Variants in MAP3K20 observed in about 807,000 individuals in gnomAD.
The protein encoded by MAP3K20 is HCCS-4.
Under a neutral mutation model 85.7 loss-of-function variants are expected in MAP3K20, and 40 were observed. That is an observed-to-expected ratio of 0.47 (90% CI 0.36 to 0.61). The LOEUF (loss-of-function observed/expected upper bound fraction) is 0.61. Among genes scored for constraint, MAP3K20 ranks in the 20% least tolerant of loss-of-function variants. The pLI, the probability that MAP3K20 is intolerant of heterozygous loss-of-function variation, is 0.00. For missense variants in MAP3K20, 817 were observed against 961.7 expected (o/e 0.85, Z 1.99); for synonymous variants, 325 against 327.7 (o/e 0.99, Z 0.09).
At chr2:173,188,239 T>G (rs904667098) in intron 5 of MAP3K20, among the ~76,000 whole-genome samples, 3 of 152,216 alleles carry the variant, frequency 2.0e-5, no homozygotes, top group African/African-American at 7.2e-5. Flanking sequence ...CATTTTAAAA[T>G]AACTTGCAGG....
At chr2:173,182,070 C>A (rs1032858091) in intron 3 of MAP3K20, among the ~76,000 whole-genome samples, 1 of 151,936 alleles carries the variant, frequency 6.6e-6, no homozygotes, top group Non-Finnish European at 1.5e-5. Context: ...AGAACGAGAC[C>A]CTGACTCCAG....
chr2:173,094,732 G>T (rs952594224), intron 2 of MAP3K20, among the ~76,000 whole-genome samples: 1 of 152,188 alleles, frequency 6.6e-6, no homozygotes, highest in Non-Finnish European at 1.5e-5. Context: ...TACATAGGTT[G>T]TGTGTCCTTG....
intron 2 of MAP3K20, among the ~76,000 whole-genome samples, chr2:173,110,893 G>A (rs1172423969): frequency 1.3e-5 from 2 of 152,186 alleles, no homozygotes; most frequent in Non-Finnish European, 1.5e-5. Context: ...ATAAACATGC[G>A]TGTGTAAGTA....
At position 173,217,147 on chromosome 2, in the gene MAP3K20, A is replaced by G. The variant is rs747485369; in HGVS notation, c.884A>G (p.Lys295Arg). ...CEIEATLERL[K>R]KLERDLSFKE... is the part of the protein sequence containing the mutation. ...ATTGAGGCAACTCTTGAGAGGCTAA[A>G]GAAACTAGAGCGTGATCTCAGCTTT... The change falls in exon 11 of 20, where the codon AAG becomes AGG. Residue 295 changes from lysine (K) to arginine (R), a missense_variant. Physicochemically the swap from Lys to Arg is conservative, Grantham distance 26 (BLOSUM62 2). Coordinates refer to ENST00000375213, the MANE Select transcript of MAP3K20 (RefSeq NM_016653.3). The G allele has an allele frequency of 6.3e-7, 1 of 1,598,376 alleles. No homozygotes were observed. The highest frequency in any genetic ancestry group is 8.5e-7 in the Non-Finnish European group (1 of 1,172,406).
chr2:173,231,184 T>G (rs1233678155), intron 12 of MAP3K20, among the ~76,000 whole-genome samples: 1 of 152,216 alleles, frequency 6.6e-6, no homozygotes, highest in African/African-American at 2.4e-5. Flanking sequence ...TACTGGAAAC[T>G]CCTCAAAAGA....
chr2:173,181,727 A>G (rs1690332391), intron 3 of MAP3K20, among the ~76,000 whole-genome samples: 1 of 152,104 alleles, frequency 6.6e-6, no homozygotes, highest in Non-Finnish European at 1.5e-5. Flanking sequence ...AAGTCTTCTT[A>G]TATGCTTACC....
Position 173,190,767 on chromosome 2 carries a change from AATAC to A in MAP3K20, c.416-125_416-122del, listed in dbSNP as rs897254182. 1.4e-5 allele frequency: 13 copies of A among 918,164 alleles called. No homozygotes were observed. In the African/African-American group the frequency reaches 1.9e-4, roughly 13 times the overall value. 56.9% of individuals were successfully genotyped at this position (918,164 alleles called of 1,614,324 possible). On this transcript the variant is annotated intron_variant, in intron 5 of 19. Transcript: ENST00000375213. ...CTTTTGCAAAATCCTCAATGCTGTA[AATAC>A]ATTGATTTCACCTTTCATAATCCCA...
chr2:173,134,428 A>ATATATATATTT (rs56330241), intron 2 of MAP3K20, among the ~76,000 whole-genome samples: 2 of 3,156 alleles, frequency 6.3e-4, no homozygotes, highest in Non-Finnish European at 1.3e-3. Flanking sequence ...ATATATATAT[A>ATATATATATTT]TTTTTTTTTT....
intron 2 of MAP3K20, among the ~76,000 whole-genome samples, chr2:173,150,479 A>G (rs2106226262): frequency 6.6e-6 from 1 of 152,328 alleles, no homozygotes; most frequent in Non-Finnish European, 1.5e-5. Context: ...AGAGAGTGCT[A>G]TTGCTGTCAG....
chr2:173,203,980 G>C, intron 9 of MAP3K20, 110 bp downstream of exon 9: 1 of 997,056 alleles, frequency 1.0e-6, no homozygotes, highest in Non-Finnish European at 1.6e-6. Context: ...AAGCTGGATT[G>C]ATGCTCCTAT....
intron 2 of MAP3K20, among the ~76,000 whole-genome samples, chr2:173,146,482 G>T (rs1689140828): frequency 6.6e-6 from 1 of 152,066 alleles, no homozygotes; most frequent in Non-Finnish European, 1.5e-5. Flanking sequence ...TCACGGTTAT[G>T]AAATCATCAC....
Position 173,232,390 on chromosome 2 carries a change from G to A in MAP3K20, c.1134G>A (p.Leu378=). 4 of 1,614,234 alleles carry A rather than the reference G, an allele frequency of 2.5e-6. No individual in the cohort carries two copies. Among genetic ancestry groups the A allele is most frequent in the Non-Finnish European group, 3.4e-6 (4 of 1,180,034 alleles). Residue 378 remains leucine, a synonymous_variant, in exon 14 of 20, where the codon CTG becomes CTA. Coordinates refer to ENST00000375213, the MANE Select transcript of MAP3K20 (RefSeq NM_016653.3). The part of the protein sequence containing the change: ...FKENNITGKR[L]LLLEEEDLKD... The stretch of plus-strand genomic sequence containing the variant: ...AAAACAACATTACAGGGAAGCGGCT[G>A]CTGCTGCTGGAGGAAGAAGACCTGA...
chr2:173,176,547 G>A (rs1690166444), intron 3 of MAP3K20, among the ~76,000 whole-genome samples: 1 of 152,016 alleles, frequency 6.6e-6, no homozygotes, highest in Admixed American at 6.5e-5. Context: ...TGCTAAGAAA[G>A]TCATTCGATA....
intron 1 of MAP3K20, among the ~76,000 whole-genome samples, chr2:173,078,590 A>G (rs922679813): frequency 6.6e-6 from 1 of 152,162 alleles, no homozygotes; most frequent in Non-Finnish European, 1.5e-5. Context: ...AGACCCTCCT[A>G]CGGATGCTGA....
At chr2:173,179,704 G>GCGCACACACACACACACA (rs374335619) in intron 3 of MAP3K20, among the ~76,000 whole-genome samples, 1 of 146,080 alleles carries the variant, frequency 6.8e-6, no homozygotes, top group Admixed American at 6.9e-5. Context: ...TAAGGAATGC[G>GCGCACACACACACACACA]CACACACACA....
Position 173,251,885 on chromosome 2 carries a change from C to CT in MAP3K20, c.1360-6813dup, listed in dbSNP as rs1487317585. 1.1e-4 allele frequency among the ~76,000 whole-genome samples: 16 copies of CT among 152,200 alleles called. 1 individual carries two copies. Among genetic ancestry groups the CT allele is most frequent in the African/African-American group, 3.9e-4 (16 of 41,522 alleles). On this transcript the variant is annotated intron_variant, in intron 16 of 19. Transcript: ENST00000375213. ...AGCCTGAAAGGCTAATTTTGGGAGTCTGTTTCTTTCTGAAATATCCTGAAT... is the reference window on the plus strand; with the variant it reads ...AGCCTGAAAGGCTAATTTTGGGAGTCTTGTTTCTTTCTGAAATATCCTGAAT...
intron 19 of MAP3K20, 32 bp downstream of exon 19, chr2:173,263,927 T>C (rs1685353688): frequency 1.3e-6 from 2 of 1,575,898 alleles, no homozygotes; most frequent in Non-Finnish European, 1.7e-6. Flanking sequence ...AGATGTGTGC[T>C]AGATTCCAGA....
At chr2:173,112,046 C>T (rs1687990379) in intron 2 of MAP3K20, among the ~76,000 whole-genome samples, 1 of 152,172 alleles carries the variant, frequency 6.6e-6, no homozygotes, top group Non-Finnish European at 1.5e-5. Flanking sequence ...CATCCGTGAG[C>T]ATGGGATGTG....
chr2:173,256,518 T>TAGACAGACAGAC (rs1304644986), intron 16 of MAP3K20, among the ~76,000 whole-genome samples: 2,254 of 61,466 alleles, frequency 0.037, 58 homozygotes, highest in Admixed American at 0.087. Context: ...GATAGATAGA[T>TAGACAGACAGAC]AGATAGATAG....
Sources: allele counts gnomAD v4.1 joint callset (sites outside exome capture counted in the v4.1 genomes callset), GRCh38; gene constraint gnomAD v4.1.1; transcripts MANE v1.5; gene names NCBI Gene and HGNC (gene_info 2026-07-23, HGNC 2026-07-21).